Variants in SP140 observed in about 807,000 individuals in gnomAD.
SP140 encodes the protein SP140 nuclear body protein.
SP140 carries 81 observed loss-of-function variants against 125.0 expected under a neutral mutation model. The ratio of observed to expected loss-of-function variants is 0.65; its 90% CI spans 0.54 to 0.78. The LOEUF (loss-of-function observed/expected upper bound fraction) is 0.78. Among genes scored for constraint, SP140 ranks in the 30% least tolerant of loss-of-function variants. The probability of loss-of-function intolerance (pLI) is 0.00; values close to 1 mark genes in which losing one functional copy is unlikely to be tolerated. For missense variants in SP140, 858 were observed against 1,037.0 expected (o/e 0.83, Z 2.37); for synonymous variants, 312 against 354.0 (o/e 0.88, Z 1.33).
intron 15 of SP140, among the ~76,000 whole-genome samples, chr2:230,274,493 G>A (rs958537952): frequency 3.3e-5 from 5 of 152,100 alleles, no homozygotes; most frequent in South Asian, 2.1e-4. Context: ...GCAGCCTTCC[G>A]AAGCTGGAAA....
chr2:230,298,399 A>G (rs2057963016), intron 22 of SP140, among the ~76,000 whole-genome samples: 1 of 151,994 alleles, frequency 6.6e-6, no homozygotes, highest in Non-Finnish European at 1.5e-5. Flanking sequence ...TACACACCTT[A>G]CCTCCAAAGC....
At chr2:230,227,171 T>C (rs1179622061) in intron 1 of SP140, among the ~76,000 whole-genome samples, 2 of 152,146 alleles carry the variant, frequency 1.3e-5, no homozygotes, top group Non-Finnish European at 2.9e-5. Flanking sequence ...TGGAAACTTG[T>C]CTAATTGGGA....
chr2:230,212,281 G>T, intron 1 of SP140: 4 of 1,186,272 alleles, frequency 3.4e-6, no homozygotes, highest in Non-Finnish European at 5.0e-6. Flanking sequence ...CCTCTTGGTT[G>T]GCAGACGCAT....
upstream of SP140, among the ~76,000 whole-genome samples, chr2:230,199,504 G>T (rs60347946): frequency 9.7e-3 from 1,470 of 151,966 alleles, 69 homozygotes; most frequent in Admixed American, 0.062. Flanking sequence ...CCACTGTGCT[G>T]GGCCAGCAAC....
Position 230,290,583 on chromosome 2 carries a change from T to C in SP140, c.1825+19T>C. Reference sequence around the variant, plus strand: ...CAGCAAGGTAGGTTTTATGGTCTTCTTTAATTTGCAGCTCCTATCTGAAGG... The same window carrying C: ...CAGCAAGGTAGGTTTTATGGTCTTCCTTAATTTGCAGCTCCTATCTGAAGG... On this transcript the variant is annotated intron_variant, in intron 19 of 26. Coordinates refer to ENST00000392045, the MANE Select transcript of SP140 (RefSeq NM_007237.5). The C allele has an allele frequency of 6.3e-7, 1 of 1,576,954 alleles. No individual in the cohort carries two copies. The highest frequency in any genetic ancestry group is 8.7e-7 in the Non-Finnish European group (1 of 1,149,090).
chr2:230,190,323 CAT>C, the SP140 span, among the ~76,000 whole-genome samples: 4 of 146,444 alleles, frequency 2.7e-5, no homozygotes, highest in Non-Finnish European at 6.0e-5. Flanking sequence ...AGCGTTTTTC[CAT>C]ATGTTTGTTG....
At chr2:230,266,391 A>G (rs1014566601) in intron 12 of SP140, among the ~76,000 whole-genome samples, 12 of 152,232 alleles carry the variant, frequency 7.9e-5, no homozygotes, top group Non-Finnish European at 1.6e-4. Flanking sequence ...GCATCAGATC[A>G]GAGAAGATGC....
At chr2:230,269,378 T>C (rs560198962) in intron 12 of SP140, among the ~76,000 whole-genome samples, 154 bp from the exon 13 acceptor site, 226 of 152,328 alleles carry the variant, frequency 1.5e-3, no homozygotes, top group Non-Finnish European at 2.2e-3. Flanking sequence ...GGCTCTGTTA[T>C]GTGTCAAATG....
upstream of SP140, chr2:230,221,704 C>G (rs2045836860): frequency 6.5e-7 from 1 of 1,535,878 alleles, no homozygotes; most frequent in Non-Finnish European, 8.7e-7. Context: ...ATGTCACTTA[C>G]CTGAAGCCCC....
At chr2:230,202,843 T>TG, upstream of SP140, 1 of 909,718 alleles carries the variant, frequency 1.1e-6, no homozygotes, top group African/African-American at 1.6e-5. Context: ...TTCAGATCTC[T>TG]GTACCCCTGT....
Position 230,307,980 on chromosome 2 carries a change from TATATATATATACACAC to T in SP140, c.2059-1942_2059-1927del, listed in dbSNP as rs1401000316. Reference sequence around the variant, plus strand: ...GTATATATATATATATATATATATATATATATATATACACACACACACACACACACACACACAGAGA... The same window carrying T: ...GTATATATATATATATATATATATATACACACACACACACACACACAGAGA... On this transcript the variant is annotated intron_variant, in intron 22 of 26. Coordinates refer to ENST00000392045, the MANE Select transcript of SP140 (RefSeq NM_007237.5). Among the ~76,000 whole-genome samples the T allele has an allele frequency of 3.9e-3, 379 of 96,076 alleles. 6 individuals carry two copies. Among genetic ancestry groups the T allele is most frequent in the East Asian group, 0.02 (82 of 4,138 alleles). The allele number at this position is 96,076 out of a possible 152,430, so 63.0% of individuals were successfully genotyped here. A position where few individuals can be genotyped will look rare whatever the true frequency, so the allele number is the denominator to read the frequency against.
chr2:230,290,773 G>T (rs987916762), intron 19 of SP140, among the ~76,000 whole-genome samples: 3 of 152,206 alleles, frequency 2.0e-5, no homozygotes, highest in Non-Finnish European at 2.9e-5. Flanking sequence ...TCCAGAGGGT[G>T]CCCAAAGAAC....
intron 9 of SP140, among the ~76,000 whole-genome samples, chr2:230,249,765 A>G (rs1395426871): frequency 2.6e-5 from 4 of 152,216 alleles, no homozygotes; most frequent in Non-Finnish European, 5.9e-5. Flanking sequence ...GTCCAAGGAA[A>G]GGGGCAGGTC....
At chr2:230,271,912 G>A (rs73104294) in intron 15 of SP140, among the ~76,000 whole-genome samples, 2,644 of 152,222 alleles carry the variant, frequency 0.017, 100 homozygotes, top group African/African-American at 0.061. Flanking sequence ...GACGTAGCAT[G>A]TGACTCATAA....
chr2:230,202,094 AATG>A (rs2043240132), upstream of SP140, among the ~76,000 whole-genome samples: 2 of 152,224 alleles, frequency 1.3e-5, no homozygotes, highest in Admixed American at 1.3e-4. Flanking sequence ...ACAAACATAA[AATG>A]ATGTCACTCT....
At chr2:230,268,726 C>T (rs1039348846) in intron 12 of SP140, among the ~76,000 whole-genome samples, 2 of 152,084 alleles carry the variant, frequency 1.3e-5, no homozygotes, top group Non-Finnish European at 1.5e-5. Flanking sequence ...AGTCAGAGTT[C>T]GAGTTGTTGT....
chr2:230,227,827 G>C (rs1231064287), intron 1 of SP140, among the ~76,000 whole-genome samples: 1 of 152,138 alleles, frequency 6.6e-6, no homozygotes, highest in African/African-American at 2.4e-5. Context: ...AGGCTGGCTA[G>C]AGGTTTATTA....
Position 230,310,642 on chromosome 2 carries a change from T to G in SP140, c.2175-101T>G. The G allele has an allele frequency of 1.9e-6, 3 of 1,556,088 alleles. No individual in the cohort carries two copies. The South Asian group carries it at 3.5e-5, about 18-fold the overall frequency. On this transcript the variant is annotated intron_variant, in intron 23 of 26. Transcript: ENST00000392045. ...GAGGTGTTCCCCTCCCTCCCATGAC[T>G]GAGCCCATCAGCCATTCCTGAAGGA...
chr2:230,209,790 A>T (rs2044268907), intron 1 of SP140: 25 of 710,238 alleles, frequency 3.5e-5, no homozygotes, highest in South Asian at 3.2e-4. Context: ...AGATGCAGCA[A>T]ATGGAAACTG....
Sources: gnomAD v4.1 joint callset for allele counts (sites outside exome capture counted in the v4.1 genomes callset) on GRCh38, gnomAD v4.1.1 for gene constraint, MANE v1.5 for transcripts, NCBI Gene and HGNC (gene_info 2026-07-23, HGNC 2026-07-21) for gene names.